The following RAD54L2 variants were observed in gnomAD, a reference collection of about 807,000 sequenced individuals.
RAD54L2 encodes the protein RAD54 like 2, also known as helicase ARIP4.
RAD54L2 carries 27 observed loss-of-function variants against 138.4 expected under a neutral mutation model. The observed-to-expected ratio is 0.20, with a 90% CI of 0.14 to 0.27. The LOEUF (loss-of-function observed/expected upper bound fraction) is 0.27. Ranked by LOEUF, RAD54L2 falls within the 10% of genes least tolerant of loss-of-function variation. RAD54L2 has a pLI of 1.00. For missense variants in RAD54L2, 1,396 were observed against 1,890.2 expected, an observed-to-expected ratio of 0.74 and a Z score of 4.85; for synonymous variants, 644 against 723.2, an observed-to-expected ratio of 0.89 and a Z score of 1.76.
chr3:51,572,886 C>T (rs956580561), intron 2 of RAD54L2, among the ~76,000 whole-genome samples: 1 of 151,854 alleles, frequency 6.6e-6, no homozygotes, highest in Non-Finnish European at 1.5e-5. Context: ...GATTCGCCTG[C>T]CTCAGCCTCC....
intron 2 of RAD54L2, among the ~76,000 whole-genome samples, chr3:51,546,048 C>T (rs1386230023): frequency 4.1e-5 from 6 of 147,888 alleles, no homozygotes; most frequent in African/African-American, 1.5e-4. Context: ...AAGTGATTCT[C>T]CTGCCTTAGC....
chr3:51,600,806 A>C (rs185546622), intron 3 of RAD54L2, among the ~76,000 whole-genome samples: 55 of 152,152 alleles, frequency 3.6e-4, no homozygotes, highest in Non-Finnish European at 6.5e-4. Flanking sequence ...GTCTCTACTA[A>C]AAATACAAAA....
Position 51,645,593 on chromosome 3 carries a change from C to A in RAD54L2, c.2659C>A (p.Arg887=), listed in dbSNP as rs1308071727. The part of the protein sequence containing the change: ...RQISKQGMSD[R]VVDDLNPMLN... The stretch of plus-strand genomic sequence containing the variant: ...TCTTCATGTCTTTATCCTTCTAGAT[C>A]GGGTGGTGGATGATCTAAATCCAAT... The change falls in exon 18 of 23, where the codon CGG becomes AGG. Residue 887 remains arginine (R), a splice_region_variant and synonymous_variant. Coordinates refer to ENST00000684192, the MANE Select transcript of RAD54L2 (RefSeq NM_015106.4). The surrounding 1 kb of genome is among the most constrained non-coding windows in gnomAD (Gnocchi z 6.1). 6.2e-7 allele frequency: 1 copy of A among 1,608,762 alleles called. No homozygotes were observed. The highest frequency in any genetic ancestry group is 8.5e-7 in the Non-Finnish European group (1 of 1,177,544).
In RAD54L2 at chr3:51,666,399, G is replaced by A. The variant is rs962989389; in HGVS notation, c.*2979G>A. ...GGTGGTGTCTTCCACCCATTATCCA[G>A]GCCTGAGGGGGGCAGGGTGGCTGGT... On this transcript the variant is annotated 3_prime_UTR_variant, in exon 23 of 23. Coordinates refer to ENST00000684192, the MANE Select transcript of RAD54L2 (RefSeq NM_015106.4). 6.6e-6 allele frequency: 1 copy of A among 151,870 alleles called. No homozygotes were observed. Among genetic ancestry groups the A allele is most frequent in the African/African-American group, 2.4e-5 (1 of 41,318 alleles). 9.4% of individuals were successfully genotyped at this position (151,870 alleles called of 1,614,324 possible). A position where few individuals can be genotyped will look rare whatever the true frequency, so the allele number is the denominator to read the frequency against.
chr3:51,632,565 G>A (rs1159731600), intron 7 of RAD54L2, among the ~76,000 whole-genome samples: 2 of 149,126 alleles, frequency 1.3e-5, no homozygotes, highest in African/African-American at 4.9e-5. Context: ...AAAGCGCCAG[G>A]ATTACAGGCA....
intron 3 of RAD54L2, among the ~76,000 whole-genome samples, chr3:51,606,311 C>CAG (rs1448912551): frequency 6.6e-6 from 1 of 152,072 alleles, no homozygotes. Flanking sequence ...AGTTAGGAGG[C>CAG]AGAGAGACTA....
chr3:51,574,226 C>T (rs1321134803), intron 2 of RAD54L2, among the ~76,000 whole-genome samples: 3 of 152,130 alleles, frequency 2.0e-5, no homozygotes. Context: ...GTACCACATT[C>T]TCTTAATCCA....
intron 2 of RAD54L2, among the ~76,000 whole-genome samples, chr3:51,584,013 G>A (rs1699662370): frequency 6.6e-6 from 1 of 152,036 alleles, no homozygotes; most frequent in Non-Finnish European, 1.5e-5. Flanking sequence ...TTTAGAATCT[G>A]GAAGAGATCT....
intron 2 of RAD54L2, among the ~76,000 whole-genome samples, chr3:51,545,870 C>G (rs1698679423): frequency 6.6e-6 from 1 of 150,794 alleles, no homozygotes; most frequent in South Asian, 2.1e-4. Flanking sequence ...GGTGATTAGA[C>G]TGCATAGAAA....
intron 3 of RAD54L2, among the ~76,000 whole-genome samples, chr3:51,611,215 G>A (rs1700318747): frequency 6.6e-6 from 1 of 151,594 alleles, no homozygotes; most frequent in Non-Finnish European, 1.5e-5. Flanking sequence ...GTGCCTGGAA[G>A]GAAGGGTTCA....
At position 51,638,058 on chromosome 3, in the gene RAD54L2, A is replaced by G. The variant is rs1701031015; in HGVS notation, c.1683-86A>G. 14 of 1,256,706 alleles carry G rather than the reference A, an allele frequency of 1.1e-5. No homozygotes were observed. In the South Asian group the frequency reaches 1.5e-4, roughly 14 times the overall value. 77.8% of individuals were successfully genotyped at this position (1,256,706 alleles called of 1,614,324 possible). A position where few individuals can be genotyped will look rare whatever the true frequency, so the allele number is the denominator to read the frequency against. ...GAGATCCTCAAGAGGGAGGTGTGGC[A>G]GGAGTGCAAAAGGCTCTGTTTTTAT... On this transcript the variant is annotated intron_variant, in intron 11 of 22. Transcript: ENST00000684192. The surrounding 1 kb of genome is among the most constrained non-coding windows in gnomAD (Gnocchi z 4.3).
At chr3:51,657,272 A>G (rs1314768301) in intron 20 of RAD54L2, among the ~76,000 whole-genome samples, 1 of 152,242 alleles carries the variant, frequency 6.6e-6, no homozygotes, top group Non-Finnish European at 1.5e-5. Context: ...AAATGCATAG[A>G]AACAACCATC....
chr3:51,648,015 A>G (rs1701329366), intron 19 of RAD54L2, among the ~76,000 whole-genome samples: 1 of 152,166 alleles, frequency 6.6e-6, no homozygotes, highest in Non-Finnish European at 1.5e-5. Context: ...GGGAAGCTCA[A>G]GGGGTCTGGG....
rs937468836 is a variant in RAD54L2 at position 51,667,229 on chromosome 3, G to C, written c.*3809G>C. The C allele has an allele frequency of 6.6e-6, 1 of 151,022 alleles. No individual in the cohort carries two copies. The highest frequency in any genetic ancestry group is 2.4e-5 in the African/African-American group (1 of 40,930). The allele number at this position is 151,022 out of a possible 1,614,324, so 9.4% of individuals were successfully genotyped here. A position where few individuals can be genotyped will look rare whatever the true frequency, so the allele number is the denominator to read the frequency against. On this transcript the variant is annotated 3_prime_UTR_variant, in exon 23 of 23. Transcript: ENST00000684192. ...CACCCAGGCTTGAGTGCAATGGTGTGATCTTGGCTCCGTGCAACCTCCACT... is the reference window on the plus strand; with the variant it reads ...CACCCAGGCTTGAGTGCAATGGTGTCATCTTGGCTCCGTGCAACCTCCACT...
At chr3:51,598,819 G>A (rs1191133508) in intron 3 of RAD54L2, among the ~76,000 whole-genome samples, 1 of 152,044 alleles carries the variant, frequency 6.6e-6, no homozygotes, top group African/African-American at 2.4e-5. Context: ...ACATGCGGAG[G>A]TTTCTGGAGG....
rs1701901110 is a variant in RAD54L2 at position 51,665,940 on chromosome 3, G to A, written c.*2520G>A. 6.6e-6 allele frequency: 1 copy of A among 152,198 alleles called. No individual in the cohort carries two copies. The highest frequency in any genetic ancestry group is 2.1e-4 in the South Asian group (1 of 4,832). The allele number at this position is 152,198 out of a possible 1,614,324, so 9.4% of individuals were successfully genotyped here. A position where few individuals can be genotyped will look rare whatever the true frequency, so the allele number is the denominator to read the frequency against. On this transcript the variant is annotated 3_prime_UTR_variant, in exon 23 of 23. Transcript: ENST00000684192. Reference sequence around the variant, plus strand: ...ACTGAAACCATTCCCTGGAGGGATGGGCTTGGCTTTTGAAGTTGACAGAAA... The same window carrying A: ...ACTGAAACCATTCCCTGGAGGGATGAGCTTGGCTTTTGAAGTTGACAGAAA...
chr3:51,588,042 C>T (rs1205096721), intron 2 of RAD54L2, among the ~76,000 whole-genome samples: 1 of 151,502 alleles, frequency 6.6e-6, no homozygotes, highest in Non-Finnish European at 1.5e-5. Context: ...AAAAATTAGC[C>T]GGGCGTGGTG....
chr3:51,628,146 G>A (rs962204099), intron 4 of RAD54L2, among the ~76,000 whole-genome samples: 3 of 152,098 alleles, frequency 2.0e-5, no homozygotes, highest in Admixed American at 2.0e-4. Context: ...AAATGGTAGA[G>A]GACTGTCTGA....
chr3:51,618,329 C>T (rs1700494552), intron 3 of RAD54L2, among the ~76,000 whole-genome samples: 1 of 151,932 alleles, frequency 6.6e-6, no homozygotes, highest in East Asian at 1.9e-4. Flanking sequence ...TTTTGAGGAG[C>T]AGAGGTTTTA....
Sources: allele counts gnomAD v4.1 joint callset (sites outside exome capture counted in the v4.1 genomes callset), GRCh38; gene constraint gnomAD v4.1.1; non-coding constraint Gnocchi (gnomAD v3.1); transcripts MANE v1.5; gene names NCBI Gene and HGNC (gene_info 2026-07-23, HGNC 2026-07-21).